The following KANSL2 variants were observed in gnomAD, a reference collection of about 807,000 sequenced individuals.
The protein encoded by KANSL2 is KAT8 regulatory NSL complex subunit 2.
A neutral mutation model predicts 55.6 loss-of-function variants in KANSL2; 34 were observed. That is an observed-to-expected ratio of 0.61 (90% confidence interval 0.46 to 0.81). The LOEUF is 0.81. Among genes scored for constraint, KANSL2 ranks in the 40% least tolerant of loss-of-function variants. KANSL2 has a pLI of 0.00. For missense variants in KANSL2, 502 were observed against 609.9 expected (o/e 0.82, Z 1.86); for synonymous variants, 209 against 214.3 (o/e 0.98, Z 0.22).
At chr12:48,682,081 T>C (rs988129372) in intron 1 of KANSL2, 106 bp downstream of exon 1, 1 of 702,910 alleles carries the variant, frequency 1.4e-6, no homozygotes, top group African/African-American at 1.7e-5. Flanking sequence ...GGAAGGAGAC[T>C]GACTCTGACA....
intron 7 of KANSL2, 54 bp downstream of exon 7, chr12:48,667,639 C>T (rs779262706): frequency 7.5e-7 from 1 of 1,332,510 alleles, no homozygotes; most frequent in African/African-American, 1.4e-5. Context: ...CAGAGATTCC[C>T]ACTAGTCTTC....
chr12:48,669,773 T>C (rs1194042137), intron 5 of KANSL2, among the ~76,000 whole-genome samples: 1 of 151,998 alleles, frequency 6.6e-6, no homozygotes, highest in African/African-American at 2.4e-5. Flanking sequence ...CCTCCCAAAG[T>C]GCTGGGATTA....
At chr12:48,665,097 T>C (rs553496808) in intron 7 of KANSL2, among the ~76,000 whole-genome samples, 2 of 152,236 alleles carry the variant, frequency 1.3e-5, no homozygotes, top group East Asian at 3.9e-4. Flanking sequence ...GCTGTAAGCA[T>C]TTATCTTTAG....
At chr12:48,661,899 A>G (rs900743909) in intron 7 of KANSL2, among the ~76,000 whole-genome samples, 2 of 152,198 alleles carry the variant, frequency 1.3e-5, no homozygotes, top group African/African-American at 2.4e-5. Flanking sequence ...CTGGAAAACA[A>G]AATGGCCCCC....
In KANSL2 at chr12:48,671,933, A is replaced by T; in HGVS notation, c.575T>A (p.Val192Glu). Reference protein sequence around the residue: ...KHAGVYTAEEVALIMREKLIR... With the variant: ...KHAGVYTAEEEALIMREKLIR... The stretch of plus-strand genomic sequence containing the variant: ...TAGCTTTTCACGCATAATCAGGGCC[A>T]CTTCTTCTGCTGTGTAGACACCAGC... The change falls in exon 5 of 10, where the codon GTG (valine) becomes GAG (glutamate). Residue 192 changes from valine to glutamate, a missense_variant. Physicochemically the swap from Val to Glu is moderately radical, Grantham distance 121 (BLOSUM62 -2). Transcript: ENST00000420613. 6.2e-7 allele frequency: 1 copy of T among 1,608,414 alleles called. No individual in the cohort carries two copies. The highest frequency in any genetic ancestry group is 8.5e-7 in the Non-Finnish European group (1 of 1,175,850).
At chr12:48,655,910 T>G (rs1939370893) in intron 8 of KANSL2, among the ~76,000 whole-genome samples, 1 of 152,122 alleles carries the variant, frequency 6.6e-6, no homozygotes, top group Non-Finnish European at 1.5e-5. Context: ...ACCCACCTAC[T>G]TACACACATA....
At chr12:48,681,141 AGAC>A in intron 2 of KANSL2, 5 of 289,682 alleles carry the variant, frequency 1.7e-5, no homozygotes, top group East Asian at 1.3e-4. Flanking sequence ...AAAAAAAAAA[AGAC>A]TAATTTAGAA....
At position 48,679,266 on chromosome 12, in the gene KANSL2, A is replaced by AC. The variant is rs777402376; in HGVS notation, c.431-117_431-116insG. The stretch of plus-strand genomic sequence containing the variant: ...TGAAATTTTAAAAACAAAACAAAAA[A>AC]AAAAACACTTAGTACAAAGGTACTG... On this transcript the variant is annotated intron_variant, in intron 3 of 9. Transcript: ENST00000420613. 6.8e-5 allele frequency: 52 copies of AC among 768,514 alleles called. No individual in the cohort carries two copies. The African/African-American group carries it at 8.4e-4, about 12-fold the overall frequency. 47.6% of individuals were successfully genotyped at this position (768,514 alleles called of 1,614,324 possible).
chr12:48,670,454 A>C (rs1939690147), intron 5 of KANSL2, among the ~76,000 whole-genome samples: 1 of 152,162 alleles, frequency 6.6e-6, no homozygotes, highest in Admixed American at 6.6e-5. Flanking sequence ...CTGGGACAAG[A>C]TGTGGAGGTG....
intron 6 of KANSL2, 77 bp from the exon 7 acceptor site, chr12:48,667,866 A>C: frequency 9.6e-7 from 1 of 1,043,234 alleles, no homozygotes; most frequent in Non-Finnish European, 1.5e-6. Flanking sequence ...GTTATATAAG[A>C]AAAGCACATC....
At chr12:48,674,374 T>G (rs979162172) in intron 4 of KANSL2, among the ~76,000 whole-genome samples, 5 of 152,160 alleles carry the variant, frequency 3.3e-5, no homozygotes, top group African/African-American at 1.2e-4. Context: ...GGTCTCAAAC[T>G]CCTGAGTTCA....
chr12:48,678,989 C>T (rs1939872916), intron 4 of KANSL2, 47 bp downstream of exon 4: 1 of 1,334,124 alleles, frequency 7.5e-7, no homozygotes, highest in Non-Finnish European at 1.1e-6. Flanking sequence ...CACTACATTC[C>T]ACATACTAAC....
chr12:48,670,149 C>T (rs1939682644), intron 5 of KANSL2, among the ~76,000 whole-genome samples: 1 of 142,502 alleles, frequency 7.0e-6, no homozygotes. Flanking sequence ...TGCAGTGAGC[C>T]AAGATCACAC....
intron 2 of KANSL2, 137 bp from the exon 3 acceptor site, chr12:48,679,970 G>A (rs1939890222): frequency 2.7e-6 from 2 of 747,378 alleles, no homozygotes; most frequent in Non-Finnish European, 4.2e-6. Context: ...CAAGTCAGAG[G>A]AATTTAACTG....
intron 4 of KANSL2, among the ~76,000 whole-genome samples, chr12:48,672,429 A>ATTTT (rs1217365630): frequency 6.5e-4 from 58 of 89,804 alleles, no homozygotes; most frequent in African/African-American, 2.0e-3. Flanking sequence ...ATATATATAT[A>ATTTT]TATATTTTTT....
intron 7 of KANSL2, among the ~76,000 whole-genome samples, chr12:48,665,156 C>T (rs2137185705): frequency 6.6e-6 from 1 of 152,162 alleles, no homozygotes; most frequent in South Asian, 2.1e-4. Context: ...GAACAATAAT[C>T]TCTTATCAGA....
At chr12:48,671,991 T>C (rs1289317958) in intron 4 of KANSL2, 29 bp from the exon 5 acceptor site, 1 of 1,524,232 alleles carries the variant, frequency 6.6e-7, no homozygotes, top group Non-Finnish European at 8.8e-7. Flanking sequence ...CAGCAAAGCA[T>C]AAGAAAACAA....
chr12:48,677,266 CAT>C (rs1939839360), intron 4 of KANSL2, among the ~76,000 whole-genome samples: 1 of 152,160 alleles, frequency 6.6e-6, no homozygotes, highest in Non-Finnish European at 1.5e-5. Flanking sequence ...TTGTATTTCT[CAT>C]AAAATGACCT....
At chr12:48,670,390 T>C (rs901922246) in intron 5 of KANSL2, among the ~76,000 whole-genome samples, 4 of 151,988 alleles carry the variant, frequency 2.6e-5, no homozygotes, top group South Asian at 4.2e-4. Context: ...GCAGAAGACA[T>C]TGTTATCATG....
Sources: gnomAD v4.1 joint callset for allele counts (sites outside exome capture counted in the v4.1 genomes callset) on GRCh38, gnomAD v4.1.1 for gene constraint, MANE v1.5 for transcripts, NCBI Gene and HGNC (gene_info 2026-07-23, HGNC 2026-07-21) for gene names.